The following TEX52 variants were observed in gnomAD, a reference collection of about 807,000 sequenced individuals.
The protein encoded by TEX52 is testis expressed 52.
Under a neutral mutation model 17.6 loss-of-function variants are expected in TEX52, and 22 were observed. The ratio of observed to expected loss-of-function variants is 1.25; its 90% confidence interval spans 0.89 to 1.78. The LOEUF (loss-of-function observed/expected upper bound fraction) is 1.78. TEX52 is among the 40% of genes most tolerant of loss of function. The pLI is 0.00. For missense variants in TEX52, 396 were observed against 372.3 expected, an observed-to-expected ratio of 1.06 and a Z score of -0.52; for synonymous variants, 168 against 147.4, an observed-to-expected ratio of 1.14 and a Z score of -1.01.
At position 2,849,498 on chromosome 12, in the gene TEX52, C is replaced by A. The variant is rs775138424; in HGVS notation, c.651G>T (p.Arg217Ser). The change falls in exon 3 of 3, where the codon AGG (arginine) becomes AGT (serine). Residue 217 changes from arginine to serine, a missense_variant. Coordinates refer to ENST00000637658, the MANE Select transcript of TEX52 (RefSeq NM_001365174.2). ...KKYRHISAGG[R>S]FEPQGLQLMP... ...TGAGCTGGAGGCCCTGGGGTTCAAA[C>A]CTCCCACCAGCGGATATGTGCCGGT... 46 of 1,535,990 alleles carry A rather than the reference C, an allele frequency of 3.0e-5. 1 individual carries two copies. In the South Asian group the frequency reaches 5.1e-4, roughly 17 times the overall value.
Position 2,849,306 on chromosome 12 carries a change from G to A in TEX52, c.843C>T (p.Pro281=). Residue 281 remains proline (P), a synonymous_variant, in exon 3 of 3, where the codon CCC becomes CCT. Transcript: ENST00000637658. ...CTTGTGCCTTGGAGAGATGGTGGAG[G>A]GGTAAGGCAGTTCTGTCCTTTATCA... ...QTLIKDRTAL[P]LHHLSKAQAS... is the part of the protein sequence containing the mutation. 1 of 1,536,148 alleles carries A rather than the reference G, an allele frequency of 6.5e-7. No homozygotes were observed. The highest frequency in any genetic ancestry group is 8.7e-7 in the Non-Finnish European group (1 of 1,146,918).
intron 2 of TEX52, among the ~76,000 whole-genome samples, chr12:2,850,511 T>C (rs2098066692): frequency 1.3e-5 from 2 of 150,298 alleles, no homozygotes. Context: ...CCCCAGGTCA[T>C]GATAATGGGC....
chr12:2,853,553 G>A (rs1210615482), intron 2 of TEX52, among the ~76,000 whole-genome samples: 2 of 151,944 alleles, frequency 1.3e-5, no homozygotes, highest in African/African-American at 4.8e-5. Flanking sequence ...GATTACAGGC[G>A]TGAGCCACCA....
intron 1 of TEX52, among the ~76,000 whole-genome samples, chr12:2,855,882 G>A (rs894597014): frequency 6.6e-5 from 10 of 152,016 alleles, no homozygotes; most frequent in Admixed American, 3.3e-4. Flanking sequence ...TGGTCTTGGC[G>A]GTATACCAGG....
chr12:2,849,124 A>T lies in TEX52; in HGVS notation c.*107T>A, dbSNP rs1398134696. 2 of 1,208,626 alleles carry T rather than the reference A, an allele frequency of 1.7e-6. No individual in the cohort carries two copies. Among genetic ancestry groups the T allele is most frequent in the Non-Finnish European group, 2.2e-6 (2 of 891,086 alleles). The allele number at this position is 1,208,626 out of a possible 1,614,324, so 74.9% of individuals were successfully genotyped here. A position where few individuals can be genotyped will look rare whatever the true frequency, so the allele number is the denominator to read the frequency against. On this transcript the variant is annotated 3_prime_UTR_variant, in exon 3 of 3. Transcript: ENST00000637658. The stretch of plus-strand genomic sequence containing the variant: ...GATGGTGGAGAGGCTGTTCTGCAGA[A>T]GCCAGAGTCCTTTTGCTACCCCAGG...
At chr12:2,848,504 A>G (rs139085537), downstream of TEX52, among the ~76,000 whole-genome samples, 400 of 152,296 alleles carry the variant, frequency 2.6e-3, 1 homozygote, top group Non-Finnish European at 3.5e-3. Flanking sequence ...CCCCACAGGT[A>G]TCCCCAACAG....
At chr12:2,849,746 C>T (rs929856217) in intron 2 of TEX52, among the ~76,000 whole-genome samples, 3 of 152,212 alleles carry the variant, frequency 2.0e-5, no homozygotes, top group Non-Finnish European at 4.4e-5. Flanking sequence ...GAAATAATGT[C>T]GTGCAGCTAG....
intron 2 of TEX52, among the ~76,000 whole-genome samples, chr12:2,853,997 T>C (rs1391963376): frequency 1.3e-5 from 2 of 152,194 alleles, no homozygotes; most frequent in Non-Finnish European, 2.9e-5. Context: ...CTCTCCTGAA[T>C]TTCTGTAACG....
At chr12:2,852,885 G>A (rs1482312135) in intron 2 of TEX52, among the ~76,000 whole-genome samples, 1 of 152,036 alleles carries the variant, frequency 6.6e-6, no homozygotes, top group Non-Finnish European at 1.5e-5. Context: ...TGTAATCCCA[G>A]CTACTCAGGA....
intron 2 of TEX52, among the ~76,000 whole-genome samples, chr12:2,854,321 T>A (rs541931583): frequency 2.0e-5 from 3 of 152,316 alleles, no homozygotes; most frequent in South Asian, 2.1e-4. Flanking sequence ...CACCACGCCC[T>A]GCCATAACAT....
Position 2,849,284 on chromosome 12 carries a change from G to A in TEX52, c.865C>T (p.Gln289Ter), listed in dbSNP as rs185720432. Reference protein sequence around the residue: ...ALPLHHLSKAQASKSPARKRK... With the variant: ...ALPLHHLSKA Reference sequence around the variant, plus strand: ...TTCCTTGCTGGGGATTTGCTTGCTTGTGCCTTGGAGAGATGGTGGAGGGGT... The same window carrying A: ...TTCCTTGCTGGGGATTTGCTTGCTTATGCCTTGGAGAGATGGTGGAGGGGT... Residue 289 changes from glutamine (Q) to a stop codon, truncating the protein, a stop_gained, in exon 3 of 3, where the codon CAA becomes TAA. Coordinates refer to ENST00000637658, the MANE Select transcript of TEX52 (RefSeq NM_001365174.2). LOFTEE classifies it low-confidence loss of function (END_TRUNC). 7 of 1,536,136 alleles carry A rather than the reference G, an allele frequency of 4.6e-6. No individual in the cohort carries two copies. In the Admixed American group the frequency reaches 1.4e-4, roughly 30 times the overall value.
intron 2 of TEX52, among the ~76,000 whole-genome samples, chr12:2,851,907 T>G (rs2098072351): frequency 6.6e-6 from 1 of 151,112 alleles, no homozygotes; most frequent in Non-Finnish European, 1.5e-5. Flanking sequence ...TTGAACTCCT[T>G]ACCTCAAGTG....
chr12:2,848,866 G>GACACACGC (rs760263659), downstream of TEX52, among the ~76,000 whole-genome samples: 1 of 115,768 alleles, frequency 8.6e-6, no homozygotes, highest in African/African-American at 3.4e-5. Context: ...CACCCCAACA[G>GACACACGC]ACACACACAC....
chr12:2,849,688 G>C (rs1038145770), intron 2 of TEX52, among the ~76,000 whole-genome samples, 163 bp from the exon 3 acceptor site: 3 of 152,238 alleles, frequency 2.0e-5, no homozygotes, highest in Admixed American at 6.5e-5. Context: ...ATATTGACCT[G>C]TGCCAAATGG....
chr12:2,852,360 G>A (rs971138818), intron 2 of TEX52, among the ~76,000 whole-genome samples: 1 of 151,624 alleles, frequency 6.6e-6, no homozygotes, highest in African/African-American at 2.4e-5. Flanking sequence ...ACCACCTGCT[G>A]TGGGAACTGT....
At chr12:2,849,996 TCA>T (rs2098064920) in intron 2 of TEX52, among the ~76,000 whole-genome samples, 1 of 152,178 alleles carries the variant, frequency 6.6e-6, no homozygotes, top group African/African-American at 2.4e-5. Context: ...TTTCTATGAC[TCA>T]GCGCACTTTG....
At position 2,849,532 on chromosome 12, in the gene TEX52, G is replaced by A; in HGVS notation, c.624-7C>T. 6.5e-7 allele frequency: 1 copy of A among 1,535,984 alleles called. No individual in the cohort carries two copies. Among genetic ancestry groups the A allele is most frequent in the Non-Finnish European group, 8.7e-7 (1 of 1,146,826 alleles). On this transcript the variant is annotated splice_polypyrimidine_tract_variant and splice_region_variant and intron_variant, in intron 2 of 2. Coordinates refer to ENST00000637658, the MANE Select transcript of TEX52 (RefSeq NM_001365174.2). ...AGCGGATATGTGCCGGTACCTGTTG[G>A]GAGAAGGGTATGGAGAGAACAGAGA...
Position 2,855,384 on chromosome 12 carries a change from G to T in TEX52, c.135C>A (p.Leu45=). ...SQTWAQREFF[L]PSESWEFPGF... The stretch of plus-strand genomic sequence containing the variant: ...CAGGGAACTCCCAGGACTCGCTGGG[G>T]AGGAAGAACTCACGCTGAGCCCACG... Residue 45 remains leucine (L), a synonymous_variant, in exon 2 of 3, where the codon CTC becomes CTA. Transcript: ENST00000637658. 1 of 1,311,918 alleles carries T rather than the reference G, an allele frequency of 7.6e-7. No individual in the cohort carries two copies. 81.3% of individuals were successfully genotyped at this position (1,311,918 alleles called of 1,614,324 possible).
chr12:2,856,490 T>C (rs28919880), intron 1 of TEX52, among the ~76,000 whole-genome samples: 46,487 of 151,968 alleles, frequency 0.31, 8,222 homozygotes, highest in African/African-American at 0.48. Flanking sequence ...CTCAGCCTCC[T>C]GAGTAGCTGG....
Sources: allele counts gnomAD v4.1 joint callset (sites outside exome capture counted in the v4.1 genomes callset), GRCh38; gene constraint gnomAD v4.1.1; transcripts MANE v1.5; gene names NCBI Gene and HGNC (gene_info 2026-07-23, HGNC 2026-07-21).